Variants in AKNAD1 observed in about 807,000 individuals in gnomAD.
AKNAD1 encodes protein AKNAD1.
In AKNAD1, 67 loss-of-function variants were observed where a neutral mutation model predicts 90.8. The ratio of observed to expected loss-of-function variants is 0.74; its 90% CI spans 0.61 to 0.90. The LOEUF (loss-of-function observed/expected upper bound fraction) is 0.90, where lower values mean the gene tolerates loss of function less well. Ranked by LOEUF, AKNAD1 falls within the 40% of genes least tolerant of loss-of-function variation. AKNAD1 has a pLI of 0.00. For synonymous variants in AKNAD1, 327 were observed against 341.4 expected (o/e 0.96, Z 0.46); for missense variants, 957 against 975.4 (o/e 0.98, Z 0.25).
chr1:108,855,177 G>A (rs1002013272), intron 1 of AKNAD1, among the ~76,000 whole-genome samples: 2 of 152,154 alleles, frequency 1.3e-5, no homozygotes, highest in African/African-American at 4.8e-5. Context: ...ACTTTGGGCG[G>A]CCGAGGCAGG....
At chr1:108,858,194 C>A (rs35662800), upstream of AKNAD1, 13,772 of 152,554 alleles carry the variant, frequency 0.09, 696 homozygotes, top group Non-Finnish European at 0.1. Context: ...AGAACAAAAA[C>A]GGAGCTTCAA....
At chr1:108,823,126 G>C (rs1180546206) in intron 13 of AKNAD1, 1 of 706,348 alleles carries the variant, frequency 1.4e-6, no homozygotes, top group African/African-American at 1.8e-5. Flanking sequence ...CACTGGTGTA[G>C]CCCTTAATAA....
chr1:108,851,780 T>G lies in AKNAD1; in HGVS notation c.885A>C (p.Lys295Asn). The change falls in exon 2 of 16, where the codon AAA becomes AAC. Residue 295 changes from lysine to asparagine, a missense_variant. Lys to Asn is a moderately conservative substitution (Grantham distance 94). Coordinates refer to ENST00000370001, the MANE Select transcript of AKNAD1 (RefSeq NM_152763.5). ...CTAGACTATCTTGCACAAGAGTGGGTTTATCTCTCGACTTGGAAGAAAAGC... is the reference window on the plus strand; with the variant it reads ...CTAGACTATCTTGCACAAGAGTGGGGTTATCTCTCGACTTGGAAGAAAAGC... ...QASFSSKSRDKPTLVQDSLET... is the reference protein window; with the variant it reads ...QASFSSKSRDNPTLVQDSLET... 3.1e-6 allele frequency: 5 copies of G among 1,614,174 alleles called. No homozygotes were observed. The highest frequency in any genetic ancestry group is 4.2e-6 in the Non-Finnish European group (5 of 1,179,992).
rs9440631 is a variant in AKNAD1 at position 108,851,902 on chromosome 1, G to T, written c.763C>A (p.His255Asn). 1 of 1,614,146 alleles carries T rather than the reference G, an allele frequency of 6.2e-7. No homozygotes were observed. The highest frequency in any genetic ancestry group is 1.1e-5 in the South Asian group (1 of 91,074). ...NTFKYGQGQV[H>N]YQLPDFSKIA... ...TTAGAGAAATCAGGGAGCTGGTAAT[G>T]AACTTGACCTTGGCCGTATTTGAAC... Residue 255 changes from histidine to asparagine, a missense_variant, in exon 2 of 16, where the codon CAT (histidine) becomes AAT (asparagine). By Grantham distance (68) the His-to-Asn change is moderately conservative. Coordinates refer to ENST00000370001, the MANE Select transcript of AKNAD1 (RefSeq NM_152763.5).
chr1:108,817,124 G>A lies in AKNAD1; in HGVS notation c.2303C>T (p.Pro768Leu), dbSNP rs774333936. 6.2e-7 allele frequency: 1 copy of A among 1,614,092 alleles called. No individual in the cohort carries two copies. The highest frequency in any genetic ancestry group is 1.3e-5 in the African/African-American group (1 of 75,024). ...TYSSDPATPSPHFYSCRISGS... is the reference protein window; with the variant it reads ...TYSSDPATPSLHFYSCRISGS... The stretch of plus-strand genomic sequence containing the variant: ...AGAAATCCTGCAGGAGTAGAAATGG[G>A]GTGAGGGTGTTGCAGGGTCTGAGCT... Residue 768 changes from proline to leucine, a missense_variant, in exon 15 of 16, where the codon CCC (proline) becomes CTC (leucine). By Grantham distance (98) the Pro-to-Leu change is moderately conservative. Coordinates refer to ENST00000370001, the MANE Select transcript of AKNAD1 (RefSeq NM_152763.5).
intron 14 of AKNAD1, among the ~76,000 whole-genome samples, chr1:108,820,167 G>A (rs1663766800): frequency 6.6e-6 from 1 of 152,138 alleles, no homozygotes; most frequent in Non-Finnish European, 1.5e-5. Context: ...ACTGCCCCCA[G>A]ATCCCCTTGC....
At chr1:108,826,736 CT>C (rs1450499628) in intron 11 of AKNAD1, among the ~76,000 whole-genome samples, 11 of 114,790 alleles carry the variant, frequency 9.6e-5, no homozygotes, top group East Asian at 6.8e-4. Flanking sequence ...CTTTTCTTTT[CT>C]TTTTCTTTTT....
Position 108,851,905 on chromosome 1 carries a change from C to T in AKNAD1, c.760G>A (p.Val254Ile). 1 of 1,614,188 alleles carries T rather than the reference C, an allele frequency of 6.2e-7. No homozygotes were observed. Among genetic ancestry groups the T allele is most frequent in the Non-Finnish European group, 8.5e-7 (1 of 1,180,034 alleles). ...GAGAAATCAGGGAGCTGGTAATGAA[C>T]TTGACCTTGGCCGTATTTGAACGTG... ...GNTFKYGQGQ[V>I]HYQLPDFSKI... is the part of the protein sequence containing the mutation. The change falls in exon 2 of 16, where the codon GTT (valine) becomes ATT (isoleucine). Residue 254 changes from valine (V) to isoleucine (I), a missense_variant. Coordinates refer to ENST00000370001, the MANE Select transcript of AKNAD1 (RefSeq NM_152763.5).
At position 108,829,111 on chromosome 1, in the gene AKNAD1, G is replaced by A. The variant is rs139267595; in HGVS notation, c.1838+1448C>T. Among the ~76,000 whole-genome samples the A allele has an allele frequency of 6.9e-3, 1,054 of 151,876 alleles. 11 individuals are homozygous for A. Among genetic ancestry groups the A allele is most frequent in the African/African-American group, 0.024 (1,001 of 41,524 alleles). On this transcript the variant is annotated intron_variant, in intron 10 of 15. Transcript: ENST00000370001. The stretch of plus-strand genomic sequence containing the variant: ...CAGAGAGAGATTTAATCTTCTAACA[G>A]AAAGAATATATAGTCCTCCCTTCAA...
chr1:108,848,774 T>A lies in AKNAD1; in HGVS notation c.1223A>T (p.Tyr408Phe). 1 of 1,609,590 alleles carries A rather than the reference T, an allele frequency of 6.2e-7. No homozygotes were observed. Among genetic ancestry groups the A allele is most frequent in the Non-Finnish European group, 8.5e-7 (1 of 1,179,026 alleles). Residue 408 changes from tyrosine (Y) to phenylalanine (F), a missense_variant, in exon 5 of 16, where the codon TAC (tyrosine) becomes TTC (phenylalanine). Coordinates refer to ENST00000370001, the MANE Select transcript of AKNAD1 (RefSeq NM_152763.5). The part of the protein sequence containing the change: ...FSKRIKQDSP[Y>F]HLQDKKLVLE... ...TACCAGCTTCTTGTCTTGCAAATGG[T>A]AAGGAGAGTCCTGTTTTATTCTTTT...
At chr1:108,846,387 C>CCCTTTAAAAT (rs1435977168) in intron 5 of AKNAD1, among the ~76,000 whole-genome samples, 1 of 152,182 alleles carries the variant, frequency 6.6e-6, no homozygotes, top group Non-Finnish European at 1.5e-5. Context: ...CTCTGCTCAG[C>CCCTTTAAAAT]CCTTTAAAAT....
At chr1:108,824,405 TAG>T (rs1294229109) in intron 11 of AKNAD1, among the ~76,000 whole-genome samples, 3 of 146,974 alleles carry the variant, frequency 2.0e-5, no homozygotes, top group Non-Finnish European at 4.5e-5. Flanking sequence ...AACTCATGGT[TAG>T]ACTCATTTTT....
In AKNAD1 at chr1:108,851,838, ATTATC is replaced by A; in HGVS notation, c.822_826del (p.Lys274AsnfsTer2). 6.2e-7 allele frequency: 1 copy of A among 1,613,810 alleles called. No individual in the cohort carries two copies. The highest frequency in any genetic ancestry group is 8.5e-7 in the Non-Finnish European group (1 of 1,179,924). On this transcript the variant is annotated frameshift_variant, in exon 2 of 16. Transcript: ENST00000370001. LOFTEE classifies it high-confidence loss of function. ...TTTAGCTATTGCAAGTGGTTTATTA[ATTATC>A]TTATTTTTAGGAATTTTCACTTTGG...
At chr1:108,849,315 T>C (rs956327016) in intron 3 of AKNAD1, among the ~76,000 whole-genome samples, 4 of 149,778 alleles carry the variant, frequency 2.7e-5, no homozygotes, top group Non-Finnish European at 5.9e-5. Flanking sequence ...ACCCCACATC[T>C]ACAAAAAAAA....
At chr1:108,849,598 A>C in intron 2 of AKNAD1, 22 bp from the exon 3 acceptor site, 1 of 1,567,418 alleles carries the variant, frequency 6.4e-7, no homozygotes, top group Non-Finnish European at 8.8e-7. Flanking sequence ...AAGGGTAAGA[A>C]AACGTTACTG....
upstream of AKNAD1, chr1:108,857,454 T>G (rs1352218309): frequency 6.5e-6 from 1 of 152,860 alleles, no homozygotes; most frequent in Non-Finnish European, 1.5e-5. Context: ...CCAAAACTCC[T>G]TAGTGGCAAG....
chr1:108,835,968 T>C (rs754949534), intron 7 of AKNAD1, among the ~76,000 whole-genome samples: 2 of 152,180 alleles, frequency 1.3e-5, no homozygotes. Context: ...GTAAGCATCT[T>C]GAGGGCAGGT....
chr1:108,850,740 A>G (rs183582675), intron 2 of AKNAD1, among the ~76,000 whole-genome samples: 91 of 152,366 alleles, frequency 6.0e-4, no homozygotes, highest in Admixed American at 3.8e-3. Context: ...GGACACCTTC[A>G]TATAAGGCTC....
chr1:108,844,750 T>G (rs1316126111), intron 5 of AKNAD1, among the ~76,000 whole-genome samples: 1 of 152,150 alleles, frequency 6.6e-6, no homozygotes, highest in Non-Finnish European at 1.5e-5. Flanking sequence ...TTGCCTCATA[T>G]TATAAAAACT....
Sources: gnomAD v4.1 joint callset for allele counts (sites outside exome capture counted in the v4.1 genomes callset) on GRCh38, gnomAD v4.1.1 for gene constraint, MANE v1.5 for transcripts, NCBI Gene and HGNC (gene_info 2026-07-23, HGNC 2026-07-21) for gene names.